The following NFKBIZ variants were observed in gnomAD, a reference collection of about 807,000 sequenced individuals.
NFKBIZ encodes the protein NFKB inhibitor zeta, also known as NF-kappa-B inhibitor zeta.
NFKBIZ carries 19 observed loss-of-function variants against 76.8 expected under a neutral mutation model. The ratio of observed to expected loss-of-function variants is 0.25; its 90% CI spans 0.17 to 0.36. The LOEUF (loss-of-function observed/expected upper bound fraction) is 0.36. Ranked by LOEUF, NFKBIZ falls within the 10% of genes least tolerant of loss-of-function variation. The pLI, the probability that NFKBIZ is intolerant of heterozygous loss-of-function variation, is 1.00. For missense variants in NFKBIZ, 829 were observed against 910.9 expected, an observed-to-expected ratio of 0.91 and a Z score of 1.16; for synonymous variants, 368 against 354.8, an observed-to-expected ratio of 1.04 and a Z score of -0.42.
In NFKBIZ at chr3:101,859,415, A is replaced by G; in HGVS notation, c.*44A>G. ...TGGCTAGCAACACTCACTGTCAGTT[A>G]GGCAGTCCTGATGTATCTGTACATA... is the stretch of plus-strand genomic sequence containing the variant. On this transcript the variant is annotated 3_prime_UTR_variant, in exon 12 of 12. Transcript: ENST00000326172. 1 of 1,535,120 alleles carries G rather than the reference A, an allele frequency of 6.5e-7. No individual in the cohort carries two copies.
chr3:101,849,849 C>G lies in NFKBIZ; in HGVS notation c.221C>G (p.Ser74Trp), dbSNP rs1318109270. 2 of 1,471,256 alleles carry G rather than the reference C, an allele frequency of 1.4e-6. No individual in the cohort carries two copies. The highest frequency in any genetic ancestry group is 1.5e-5 in the African/African-American group (1 of 68,192). The allele number at this position is 1,471,256 out of a possible 1,614,324, so 91.1% of individuals were successfully genotyped here. Residue 74 changes from serine to tryptophan, a missense_variant, in exon 1 of 12, where the codon TCG (serine) becomes TGG (tryptophan). Around this residue, in one of 4 missense-constraint regions of NFKBIZ, gnomAD observed 181 missense variants for 175.3 expected, o/e 1.03. Transcript: ENST00000326172. ...GACTCCTCCGACTTCTCCTCTGCCTCGTCGGTGTCCTCCTGCGGCGCCGTG... is the reference window on the plus strand; with the variant it reads ...GACTCCTCCGACTTCTCCTCTGCCTGGTCGGTGTCCTCCTGCGGCGCCGTG... ...GSDSSDFSSA[S>W]SVSSCGAVES...
intron 2 of NFKBIZ, among the ~76,000 whole-genome samples, chr3:101,835,545 C>G (rs1295759263): frequency 6.6e-6 from 1 of 152,178 alleles, no homozygotes; most frequent in Non-Finnish European, 1.5e-5. Flanking sequence ...CGAGGCCTCT[C>G]TCCTGACTTG....
intron 8 of NFKBIZ, 134 bp downstream of exon 8, chr3:101,855,592 C>A: frequency 8.1e-7 from 1 of 1,236,412 alleles, no homozygotes; most frequent in African/African-American, 1.5e-5. Flanking sequence ...CAAAAAGAGA[C>A]AATATTCAGA....
chr3:101,848,713 A>T (rs1423203608), upstream of NFKBIZ, among the ~76,000 whole-genome samples: 1 of 152,246 alleles, frequency 6.6e-6, no homozygotes, highest in Non-Finnish European at 1.5e-5. Flanking sequence ...TTTAAAAGTT[A>T]TATCTACATA....
At chr3:101,830,996 A>AT (rs1389649025) in intron 2 of NFKBIZ, among the ~76,000 whole-genome samples, 8 of 152,294 alleles carry the variant, frequency 5.3e-5, no homozygotes, top group Admixed American at 5.2e-4. Context: ...ATTAAAAATG[A>AT]TTTTTTCACT....
chr3:101,851,184 C>T (rs1942957413), intron 1 of NFKBIZ, among the ~76,000 whole-genome samples: 2 of 152,158 alleles, frequency 1.3e-5, no homozygotes, highest in African/African-American at 4.8e-5. Context: ...TATTTTTGTA[C>T]ACTTGATGGA....
intron 1 of NFKBIZ, 48 bp downstream of exon 1, chr3:101,849,965 G>A: frequency 1.5e-6 from 2 of 1,342,582 alleles, no homozygotes; most frequent in Non-Finnish European, 1.9e-6. Context: ...CGCACGCCTA[G>A]GAGGTTGGGA....
intron 4 of NFKBIZ, 37 bp from the exon 5 acceptor site, chr3:101,853,054 G>A: frequency 6.2e-7 from 1 of 1,612,366 alleles, no homozygotes. Flanking sequence ...ATTTTAGAAG[G>A]AAGTGAGTGT....
At position 101,853,716 on chromosome 3, in the gene NFKBIZ, C is replaced by T; in HGVS notation, c.1190C>T (p.Thr397Ile). The T allele has an allele frequency of 6.2e-7, 1 of 1,614,278 alleles. No individual in the cohort carries two copies. Among genetic ancestry groups the T allele is most frequent in the African/African-American group, 1.3e-5 (1 of 75,078 alleles). The change falls in exon 5 of 12, where the codon ACT (threonine) becomes ATT (isoleucine). Residue 397 changes from threonine to isoleucine, a missense_variant. Around this residue, in one of 4 missense-constraint regions of NFKBIZ, gnomAD observed 371 missense variants for 332.3 expected, o/e 1.12. Coordinates refer to ENST00000326172, the MANE Select transcript of NFKBIZ (RefSeq NM_031419.4). ...GHEMASDSSN[T>I]SLPFSNMGNP... ...GAGATGGCCTCTGACTCTTCAAACACTTCACTGCCATTCTCAAACATGGGA... is the reference window on the plus strand; with the variant it reads ...GAGATGGCCTCTGACTCTTCAAACATTTCACTGCCATTCTCAAACATGGGA...
chr3:101,832,649 CT>C (rs1942661990), intron 2 of NFKBIZ, among the ~76,000 whole-genome samples: 1 of 152,114 alleles, frequency 6.6e-6, no homozygotes, highest in African/African-American at 2.4e-5. Flanking sequence ...AATTTCCTTC[CT>C]TTTTAAGGCC....
intron 9 of NFKBIZ, 60 bp downstream of exon 9, chr3:101,855,962 A>T (rs1002760766): frequency 1.4e-6 from 2 of 1,431,988 alleles, no homozygotes; most frequent in Admixed American, 4.6e-5. Flanking sequence ...ATAGCAAAAG[A>T]CCTTGCTTCC....
chr3:101,833,993 T>C (rs147046982), intron 2 of NFKBIZ, among the ~76,000 whole-genome samples: 97 of 152,296 alleles, frequency 6.4e-4, no homozygotes, highest in Middle Eastern at 3.4e-3. Flanking sequence ...TCTCTTAAAA[T>C]GCAAATAACC....
rs1942922889 is a variant in NFKBIZ, at chr3:101,849,892, C to T, written c.264C>T (p.Gly88=). ...GCGCCGTGGAGTCCCGGTCGAGAGGCGGCGCCCGCGCCGAGCGCCAGCCAG... is the reference window on the plus strand; with the variant it reads ...GCGCCGTGGAGTCCCGGTCGAGAGGTGGCGCCCGCGCCGAGCGCCAGCCAG... ...SCGAVESRSR[G]GARAERQPVE... The change falls in exon 1 of 12, where the codon GGC becomes GGT. Residue 88 remains glycine (G), a synonymous_variant. Transcript: ENST00000326172. The T allele has an allele frequency of 1.4e-6, 2 of 1,434,932 alleles. No homozygotes were observed. Among genetic ancestry groups the T allele is most frequent in the Non-Finnish European group, 1.8e-6 (2 of 1,101,386 alleles). 88.9% of individuals were successfully genotyped at this position (1,434,932 alleles called of 1,614,324 possible). A position where few individuals can be genotyped will look rare whatever the true frequency, so the allele number is the denominator to read the frequency against.
intron 2 of NFKBIZ, among the ~76,000 whole-genome samples, chr3:101,841,712 A>G (rs897237253): frequency 7.9e-5 from 12 of 152,238 alleles, no homozygotes; most frequent in Non-Finnish European, 1.6e-4. Flanking sequence ...AACATATAAG[A>G]TGATATCTGT....
At chr3:101,829,062 T>C (rs1942604214) in intron 1 of NFKBIZ, among the ~76,000 whole-genome samples, 1 of 152,194 alleles carries the variant, frequency 6.6e-6, no homozygotes, top group African/African-American at 2.4e-5. Context: ...TAATCCCTGA[T>C]GGAGCAGGGC....
rs1013782334 is a variant in NFKBIZ, at chr3:101,860,759, T to G, written c.*1388T>G. 1.3e-5 allele frequency: 2 copies of G among 151,350 alleles called. No individual in the cohort carries two copies. Among genetic ancestry groups the G allele is most frequent in the African/African-American group, 4.9e-5 (2 of 41,154 alleles). The allele number at this position is 151,350 out of a possible 1,614,324, so 9.4% of individuals were successfully genotyped here. On this transcript the variant is annotated 3_prime_UTR_variant, in exon 12 of 12. Transcript: ENST00000326172. ...TATTTGGCTTTGATTACACACTAAG[T>G]TTTTGTAATAAATTTGACTCATTAA...
exon 1 of NFKBIZ, chr3:101,828,057 G>C (rs772690057): frequency 3.3e-5 from 5 of 152,204 alleles, no homozygotes; most frequent in Non-Finnish European, 5.9e-5. Flanking sequence ...TGCTTATCAT[G>C]TAACCTCAAA....
Position 101,849,806 on chromosome 3 carries a change from C to G in NFKBIZ, c.178C>G (p.Pro60Ala). The G allele has an allele frequency of 1.4e-6, 2 of 1,470,158 alleles. No homozygotes were observed. Among genetic ancestry groups the G allele is most frequent in the South Asian group, 2.6e-5 (2 of 77,342 alleles). 91.1% of individuals were successfully genotyped at this position (1,470,158 alleles called of 1,614,324 possible). ...CTGCTCGGTCTTGGGCCCCTCGGCGCCCGGCTCGCCCGGCTCCGACTCCTC... is the reference window on the plus strand; with the variant it reads ...CTGCTCGGTCTTGGGCCCCTCGGCGGCCGGCTCGCCCGGCTCCGACTCCTC... The part of the protein sequence containing the change: ...ASCSVLGPSA[P>A]GSPGSDSSDF... Residue 60 changes from proline to alanine, a missense_variant, in exon 1 of 12, where the codon CCC becomes GCC. Around this residue, in one of 4 missense-constraint regions of NFKBIZ, gnomAD observed 181 missense variants for 175.3 expected, o/e 1.03. Transcript: ENST00000326172.
At chr3:101,844,947 T>C (rs902991773), upstream of NFKBIZ, among the ~76,000 whole-genome samples, 9 of 152,150 alleles carry the variant, frequency 5.9e-5, no homozygotes, top group East Asian at 1.7e-3. Flanking sequence ...CTTTGGCTTT[T>C]CAAAAGTTCA....
Sources: allele counts gnomAD v4.1 joint callset (sites outside exome capture counted in the v4.1 genomes callset), GRCh38; gene constraint gnomAD v4.1.1; regional missense constraint gnomAD v4.1.1; transcripts MANE v1.5; gene names NCBI Gene and HGNC (gene_info 2026-07-23, HGNC 2026-07-21).